WBP2NL: variants seen among roughly 807,000 people sequenced by gnomAD.
WBP2NL encodes postacrosomal sheath WW domain-binding protein.
In WBP2NL, 27 loss-of-function variants were observed where a neutral mutation model predicts 23.3. The ratio of observed to expected loss-of-function variants is 1.16; its 90% CI spans 0.85 to 1.60. The LOEUF (loss-of-function observed/expected upper bound fraction) is 1.60, where lower values mean the gene tolerates loss of function less well. Among genes scored for constraint, WBP2NL ranks in the 40% most tolerant of loss-of-function variants. The pLI, the probability that WBP2NL is intolerant of heterozygous loss-of-function variation, is 0.00. For missense variants in WBP2NL, 370 were observed against 389.5 expected, an observed-to-expected ratio of 0.95 and a Z score of 0.42; for synonymous variants, 151 against 145.9, an observed-to-expected ratio of 1.03 and a Z score of -0.25.
intron 8 of WBP2NL, among the ~76,000 whole-genome samples, chr22:42,047,597 C>T (rs538805247): frequency 1.8e-3 from 271 of 149,272 alleles, no homozygotes; most frequent in African/African-American, 6.5e-3. Flanking sequence ...AAAAACCCCC[C>T]GCCTCCCAAA....
In WBP2NL at chr22:42,019,377, T is replaced by C. The variant is rs114511553; in HGVS notation, c.129T>C (p.Phe43=). The part of the protein sequence containing the change: ...FPQRSEGSNV[F]SGRKTGTLFL... ...AGCGATCAGAAGGCTCAAATGTCTTTAGTGGTAGAAAGACAGGAACATTGT... is the reference window on the plus strand; with the variant it reads ...AGCGATCAGAAGGCTCAAATGTCTTCAGTGGTAGAAAGACAGGAACATTGT... Residue 43 remains phenylalanine (F), a synonymous_variant, in exon 2 of 6, where the codon TTT becomes TTC. Coordinates refer to ENST00000328823, the MANE Select transcript of WBP2NL (RefSeq NM_152613.3). 1.7e-5 allele frequency: 27 copies of C among 1,614,246 alleles called. No individual in the cohort carries two copies. In the African/African-American group the frequency reaches 2.4e-4, roughly 14 times the overall value.
intron 1 of WBP2NL, among the ~76,000 whole-genome samples, chr22:42,005,296 C>T (rs1391903795): frequency 4.0e-5 from 6 of 151,042 alleles, no homozygotes; most frequent in Non-Finnish European, 5.9e-5. Flanking sequence ...GGTGGATCAC[C>T]TGAGGTCAGG....
chr22:42,040,571 C>G (rs369259256), intron 8 of WBP2NL, among the ~76,000 whole-genome samples: 1 of 152,176 alleles, frequency 6.6e-6, no homozygotes, highest in Non-Finnish European at 1.5e-5. Context: ...CTATACATTT[C>G]CCTTATGGAA....
chr22:42,048,708 A>T (rs971968804), intron 8 of WBP2NL, among the ~76,000 whole-genome samples: 2 of 150,958 alleles, frequency 1.3e-5, no homozygotes, highest in Non-Finnish European at 2.9e-5. Flanking sequence ...GTGAGCCAGG[A>T]TCACGCCACT....
At chr22:42,026,497 T>C (rs182824182) in intron 5 of WBP2NL, among the ~76,000 whole-genome samples, 102 of 152,170 alleles carry the variant, frequency 6.7e-4, no homozygotes, top group Non-Finnish European at 1.1e-3. Flanking sequence ...ATAATCAAAC[T>C]TTATTAAGTA....
At chr22:42,032,894 A>G (rs1925038633), downstream of WBP2NL, 1 of 216,766 alleles carries the variant, frequency 4.6e-6, no homozygotes, top group African/African-American at 2.3e-5. Context: ...AGTAATTAGA[A>G]TTTATTATAA....
intron 4 of WBP2NL, among the ~76,000 whole-genome samples, chr22:42,020,866 GTGTATA>G (rs1385412095): frequency 9.8e-3 from 152 of 15,526 alleles, no homozygotes; most frequent in East Asian, 0.017. Context: ...GTGTGTGTGT[GTGTATA>G]TATATATATA....
At chr22:41,999,012 C>CAAAGGTCGGGGGCGGA in intron 1 of WBP2NL, 132 bp downstream of exon 1, 1 of 1,104,976 alleles carries the variant, frequency 9.0e-7, no homozygotes, top group Non-Finnish European at 1.2e-6. Flanking sequence ...GCTCCGCCCC[C>CAAAGGTCGGGGGCGGA]GACCTTTGGG....
rs187917970 is a variant in WBP2NL at position 42,003,008 on chromosome 22, A to G, written c.62+4128A>G. On this transcript the variant is annotated intron_variant, in intron 1 of 5. Coordinates refer to ENST00000328823, the MANE Select transcript of WBP2NL (RefSeq NM_152613.3). ...TTTAAGAAAAGAAAAAAAAGAAACT[A>G]TAGCCAGGCATGGTGGCACATGCCT... 2.9e-3 allele frequency: 437 copies of G among 152,126 alleles called. 2 individuals carry two copies. Among genetic ancestry groups the G allele is most frequent in the Non-Finnish European group, 3.7e-3 (252 of 67,898 alleles). 9.4% of individuals were successfully genotyped at this position (152,126 alleles called of 1,614,324 possible).
chr22:42,047,926 A>G (rs1925662121), intron 8 of WBP2NL, among the ~76,000 whole-genome samples: 1 of 151,904 alleles, frequency 6.6e-6, no homozygotes, highest in South Asian at 2.1e-4. Context: ...CCAGCCTAAA[A>G]CCAGTCAATA....
Position 42,019,328 on chromosome 22 carries a change from C to T in WBP2NL, c.80C>T (p.Pro27Leu), listed in dbSNP as rs752029730. 8.1e-6 allele frequency: 13 copies of T among 1,613,868 alleles called. No homozygotes were observed. Among genetic ancestry groups the T allele is most frequent in the Admixed American group, 6.7e-5 (4 of 59,964 alleles). ...TTCTACAGTCTCTTGAAGCGGTCTC[C>T]GAATGTGGAGCTCTCCTTCCCACAG... ...PNGESLLKRS[P>L]NVELSFPQRS... Residue 27 changes from proline (P) to leucine (L), a missense_variant, in exon 2 of 6, where the codon CCG becomes CTG. Coordinates refer to ENST00000328823, the MANE Select transcript of WBP2NL (RefSeq NM_152613.3).
downstream of WBP2NL, among the ~76,000 whole-genome samples, chr22:42,028,904 G>A (rs139927678): frequency 1.5e-3 from 224 of 152,248 alleles, no homozygotes; most frequent in African/African-American, 5.0e-3. Context: ...TTGCATCTTC[G>A]ACTCCTCACC....
In WBP2NL at chr22:42,022,361, G is replaced by C; in HGVS notation, c.514+5G>C. On this transcript the variant is annotated splice_donor_5th_base_variant and intron_variant, in intron 5 of 5. Transcript: ENST00000328823. ...CTCCACAGATGCCTTGTTCAGGTAA[G>C]GTATGGCAGAGAGGTTCTTCCTGGA... is the stretch of plus-strand genomic sequence containing the variant. 1 of 1,602,130 alleles carries C rather than the reference G, an allele frequency of 6.2e-7. No individual in the cohort carries two copies. The highest frequency in any genetic ancestry group is 8.5e-7 in the Non-Finnish European group (1 of 1,174,662).
At position 42,001,720 on chromosome 22, in the gene WBP2NL, G is replaced by T. The variant is rs537516989; in HGVS notation, c.62+2840G>T. 2.4e-5 allele frequency: 29 copies of T among 1,198,858 alleles called. No individual in the cohort carries two copies. The South Asian group carries it at 3.3e-4, about 14-fold the overall frequency. 74.3% of individuals were successfully genotyped at this position (1,198,858 alleles called of 1,614,324 possible). ...TGAAGGTGAAGTTAAGAGCCTGGGTGGGGGAAGTATCTGATGACACTGGCC... is the reference window on the plus strand; with the variant it reads ...TGAAGGTGAAGTTAAGAGCCTGGGTTGGGGAAGTATCTGATGACACTGGCC... On this transcript the variant is annotated intron_variant, in intron 1 of 5. Coordinates refer to ENST00000328823, the MANE Select transcript of WBP2NL (RefSeq NM_152613.3).
intron 1 of WBP2NL, among the ~76,000 whole-genome samples, chr22:42,016,927 C>G (rs1923355007): frequency 6.6e-6 from 1 of 152,158 alleles, no homozygotes; most frequent in African/African-American, 2.4e-5. Context: ...AGCTGTAGTT[C>G]CAGCATAGCT....
At chr22:42,056,657 G>T (rs1355663242) in intron 8 of WBP2NL, among the ~76,000 whole-genome samples, 1 of 152,000 alleles carries the variant, frequency 6.6e-6, no homozygotes, top group Non-Finnish European at 1.5e-5. Flanking sequence ...TTTTTTCATA[G>T]TCTTTTTCTT....
In WBP2NL at chr22:42,027,234, T is replaced by C. The variant is rs1157190183; in HGVS notation, c.*53T>C. 1.3e-6 allele frequency: 2 copies of C among 1,543,754 alleles called. No homozygotes were observed. Among genetic ancestry groups the C allele is most frequent in the Middle Eastern group, 1.7e-4 (1 of 5,760 alleles). ...CACCAAGCAAAGAGGTACCCTAAAA[T>C]TGAAGTCAGGATAAGGAGGACGACT... is the stretch of plus-strand genomic sequence containing the variant. On this transcript the variant is annotated 3_prime_UTR_variant, in exon 6 of 6. Coordinates refer to ENST00000328823, the MANE Select transcript of WBP2NL (RefSeq NM_152613.3).
intron 1 of WBP2NL, among the ~76,000 whole-genome samples, chr22:42,010,003 T>C (rs1161588078): frequency 2.6e-5 from 4 of 152,250 alleles, no homozygotes; most frequent in East Asian, 3.8e-4. Context: ...TAGTTTTCAG[T>C]GTACAAACCT....
chr22:42,044,829 G>T (rs1027629476), intron 8 of WBP2NL, among the ~76,000 whole-genome samples: 1 of 151,866 alleles, frequency 6.6e-6, no homozygotes, highest in Non-Finnish European at 1.5e-5. Context: ...AATTTATTTT[G>T]TAGAGATGGA....
Sources: gnomAD v4.1 joint callset for allele counts (sites outside exome capture counted in the v4.1 genomes callset) on GRCh38, gnomAD v4.1.1 for gene constraint, MANE v1.5 for transcripts, NCBI Gene and HGNC (gene_info 2026-07-23, HGNC 2026-07-21) for gene names.